PRH1: variants seen among roughly 807,000 people sequenced by gnomAD.
PRH1 encodes salivary acidic proline-rich phosphoprotein 1/2.
Under a neutral mutation model 7.9 loss-of-function variants are expected in PRH1, and 7 were observed. The ratio of observed to expected loss-of-function variants is 0.89; its 90% CI spans 0.50 to 1.67. The LOEUF (loss-of-function observed/expected upper bound fraction) is 1.67, where lower values mean the gene tolerates loss of function less well. PRH1 is among the 40% of genes most tolerant of loss of function. The pLI is 0.00. For synonymous variants in PRH1, 45 were observed against 80.8 expected, an observed-to-expected ratio of 0.56 and a Z score of 2.38; for missense variants, 109 against 223.6, an observed-to-expected ratio of 0.49 and a Z score of 3.27.
intron 2 of PRH1, among the ~76,000 whole-genome samples, chr12:10,929,022 A>G (rs762369941): frequency 9.9e-5 from 15 of 152,210 alleles, no homozygotes; most frequent in Non-Finnish European, 2.2e-4. Flanking sequence ...ACATTTGTCC[A>G]AGTCATAGTT....
chr12:11,101,600 T>C (rs368558633), intron 1 of PRH1, among the ~76,000 whole-genome samples: 2 of 152,346 alleles, frequency 1.3e-5, no homozygotes, highest in South Asian at 4.1e-4. Context: ...AAGAATATGC[T>C]GCATCACCCT....
intron 2 of PRH1, among the ~76,000 whole-genome samples, chr12:10,900,067 G>T (rs953095841): frequency 6.6e-6 from 1 of 152,158 alleles, no homozygotes; most frequent in Non-Finnish European, 1.5e-5. Flanking sequence ...TTTCAAGAAG[G>T]AAAGTGGGAA....
intron 1 of PRH1, among the ~76,000 whole-genome samples, chr12:11,075,198 A>AAC (rs1263083337): frequency 8.5e-6 from 1 of 118,050 alleles, no homozygotes; most frequent in Admixed American, 8.4e-5. Context: ...AAGGATACTA[A>AAC]AATATATATA....
chr12:11,082,075 A>G (rs369270786), intron 1 of PRH1, among the ~76,000 whole-genome samples: 228 of 95,550 alleles, frequency 2.4e-3, no homozygotes, highest in Admixed American at 3.8e-3. Context: ...GTTTACTAAT[A>G]TAACTTTCCT....
At chr12:10,968,790 A>T (rs1191770720) in intron 2 of PRH1, among the ~76,000 whole-genome samples, 1 of 152,212 alleles carries the variant, frequency 6.6e-6, no homozygotes, top group East Asian at 1.9e-4. Flanking sequence ...GCAGGAACAA[A>T]TTCTGTGCAG....
intron 1 of PRH1, among the ~76,000 whole-genome samples, chr12:11,106,616 T>TTTAATTTATTTTGGATTAC (rs1945425958): frequency 6.6e-6 from 1 of 151,394 alleles, no homozygotes. Context: ...TTTTTCTCTA[T>TTTAATTTATTTTGGATTAC]TTAATTTATT....
At chr12:11,027,983 C>A (rs1267754076) in intron 1 of PRH1, among the ~76,000 whole-genome samples, 1 of 152,208 alleles carries the variant, frequency 6.6e-6, no homozygotes, top group African/African-American at 2.4e-5. Context: ...CCAGCCATGA[C>A]TGGAGGGTAT....
intron 1 of PRH1, chr12:11,031,557 G>C: frequency 1.9e-6 from 1 of 530,944 alleles, no homozygotes; most frequent in East Asian, 3.2e-5. Flanking sequence ...AGGCGACCCA[G>C]GCAGGTTGCT....
At chr12:10,966,887 G>T (rs1267825045) in intron 2 of PRH1, among the ~76,000 whole-genome samples, 1 of 152,140 alleles carries the variant, frequency 6.6e-6, no homozygotes, top group Admixed American at 6.5e-5. Context: ...AGGCTGAGGT[G>T]GGCAGATCAA....
chr12:11,053,599 T>G (rs1340075834), intron 1 of PRH1, among the ~76,000 whole-genome samples: 1 of 152,256 alleles, frequency 6.6e-6, no homozygotes, highest in Admixed American at 6.5e-5. Context: ...CAATGATATC[T>G]CTTGGAAATT....
intron 1 of PRH1, among the ~76,000 whole-genome samples, chr12:11,144,619 G>A (rs1470736574): frequency 6.6e-6 from 1 of 152,184 alleles, no homozygotes; most frequent in Non-Finnish European, 1.5e-5. Flanking sequence ...GAGGCTTCTT[G>A]ACCAGTTCAA....
chr12:11,057,234 G>C (rs796840626), intron 1 of PRH1, among the ~76,000 whole-genome samples: 1 of 132,602 alleles, frequency 7.5e-6, no homozygotes, highest in Non-Finnish European at 1.7e-5. Flanking sequence ...CTGCTCTCAA[G>C]GGATTCTCCC....
At chr12:10,997,348 G>A (rs1940323057) in intron 1 of PRH1, 2 of 1,614,088 alleles carry the variant, frequency 1.2e-6, no homozygotes, top group Non-Finnish European at 1.7e-6. Flanking sequence ...CTACAGTCAA[G>A]TTGGAAAGGT....
At chr12:10,917,122 G>C (rs867221068) in intron 2 of PRH1, among the ~76,000 whole-genome samples, 2 of 151,874 alleles carry the variant, frequency 1.3e-5, no homozygotes, top group East Asian at 3.9e-4. Context: ...CATATATACA[G>C]ATATGTATAT....
chr12:11,133,468 A>G, intron 1 of PRH1: 5 of 1,614,132 alleles, frequency 3.1e-6, no homozygotes, highest in Non-Finnish European at 4.2e-6. Flanking sequence ...ACATGAAGAC[A>G]GGTTGCTTTT....
intron 2 of PRH1, chr12:10,929,458 A>C: frequency 5.8e-5 from 71 of 1,230,044 alleles, no homozygotes; most frequent in Non-Finnish European, 7.6e-5. Context: ...AAGAGTTCTC[A>C]TGCCAAGGAT....
intron 1 of PRH1, chr12:11,171,413 G>C (rs1434357769): frequency 2.4e-6 from 3 of 1,232,042 alleles, no homozygotes; most frequent in Non-Finnish European, 2.0e-6. Context: ...GCCCCGCCGC[G>C]ACACCCACCT....
At chr12:11,144,427 C>G (rs1946804390) in intron 1 of PRH1, among the ~76,000 whole-genome samples, 5 of 152,164 alleles carry the variant, frequency 3.3e-5, no homozygotes, top group Admixed American at 2.6e-4. Flanking sequence ...GGGCTGGTCT[C>G]ACTCCCACCA....
chr12:10,938,812 C>T (rs1950340324), intron 2 of PRH1: 1 of 1,613,386 alleles, frequency 6.2e-7, no homozygotes, highest in Non-Finnish European at 8.5e-7. Flanking sequence ...CAAGAAGCAG[C>T]ACCAAAACCA....
Sources: allele counts gnomAD v4.1 joint callset (sites outside exome capture counted in the v4.1 genomes callset), GRCh38; gene constraint gnomAD v4.1.1; transcripts MANE v1.5; gene names NCBI Gene and HGNC (gene_info 2026-07-23, HGNC 2026-07-21).